Variants in TSHZ2 observed in about 807,000 individuals in gnomAD.
The protein encoded by TSHZ2 is teashirt homolog 2.
TSHZ2 carries 21 observed loss-of-function variants against 74.4 expected under a neutral mutation model. That is an observed-to-expected ratio of 0.28 (90% CI 0.20 to 0.41). The LOEUF (loss-of-function observed/expected upper bound fraction) is 0.41. Ranked by LOEUF, TSHZ2 falls within the 10% of genes least tolerant of loss-of-function variation. The pLI, the probability that TSHZ2 is intolerant of heterozygous loss-of-function variation, is 1.00. For missense variants in TSHZ2, 1,244 were observed against 1,293.5 expected (o/e 0.96, Z 0.59); for synonymous variants, 540 against 515.3 (o/e 1.05, Z -0.65).
At chr20:53,173,698 C>G (rs149659491) in intron 1 of TSHZ2, among the ~76,000 whole-genome samples, 3 of 151,754 alleles carry the variant, frequency 2.0e-5, no homozygotes, top group Non-Finnish European at 4.4e-5. Flanking sequence ...ACAGTCTGAA[C>G]AGTTGTGTAA....
intron 1 of TSHZ2, among the ~76,000 whole-genome samples, chr20:53,171,207 G>C (rs979953648): frequency 6.6e-6 from 1 of 152,174 alleles, no homozygotes. Context: ...GCTCTCAAGC[G>C]TGTCCCCTTT....
intron 2 of TSHZ2, among the ~76,000 whole-genome samples, chr20:53,317,400 T>G (rs1979067441): frequency 6.6e-6 from 1 of 152,186 alleles, no homozygotes; most frequent in Admixed American, 6.5e-5. Context: ...TTGATTGCAT[T>G]GATCTCTGCC....
intron 1 of TSHZ2, among the ~76,000 whole-genome samples, chr20:53,120,987 CCT>C (rs918142375): frequency 7.2e-5 from 11 of 152,186 alleles, no homozygotes; most frequent in South Asian, 2.1e-4. Flanking sequence ...TTACAAATGG[CCT>C]CTTTTTTTTT....
intron 1 of TSHZ2, among the ~76,000 whole-genome samples, chr20:53,156,054 G>A (rs1330501949): frequency 6.6e-6 from 1 of 152,104 alleles, no homozygotes; most frequent in Non-Finnish European, 1.5e-5. Flanking sequence ...TGGGAACAAG[G>A]GGCTGCAGCT....
chr20:53,185,512 G>T, intron 1 of TSHZ2: 2 of 1,383,064 alleles, frequency 1.4e-6, no homozygotes, highest in Non-Finnish European at 1.9e-6. Context: ...ACCTCAGGAG[G>T]CTGAGGCAGG....
chr20:53,071,773 G>A (rs766639115), intron 1 of TSHZ2, among the ~76,000 whole-genome samples: 8 of 152,238 alleles, frequency 5.3e-5, no homozygotes, highest in Admixed American at 1.3e-4. Flanking sequence ...AGGGACGTCC[G>A]TGAAGTCATG....
intron 2 of TSHZ2, among the ~76,000 whole-genome samples, chr20:53,476,554 T>C (rs1485416212): frequency 6.8e-6 from 1 of 146,382 alleles, no homozygotes; most frequent in African/African-American, 2.5e-5. Flanking sequence ...GCCAATATCA[T>C]ACTGAATGGG....
At chr20:53,127,096 A>G (rs1469647539) in intron 1 of TSHZ2, among the ~76,000 whole-genome samples, 1 of 152,250 alleles carries the variant, frequency 6.6e-6, no homozygotes. Context: ...GAATTAGCCA[A>G]CCAAACTATT....
chr20:53,059,542 T>C (rs1457539001), intron 1 of TSHZ2, among the ~76,000 whole-genome samples: 4 of 152,080 alleles, frequency 2.6e-5, no homozygotes, highest in South Asian at 2.1e-4. Flanking sequence ...AATATACCAG[T>C]GATGGTTTGT....
At chr20:53,013,245 CAA>C (rs1600645494) in intron 1 of TSHZ2, among the ~76,000 whole-genome samples, 1 of 152,120 alleles carries the variant, frequency 6.6e-6, no homozygotes, top group South Asian at 2.1e-4. Context: ...CCAATTAAAA[CAA>C]GAGAAGTAAA....
intron 2 of TSHZ2, among the ~76,000 whole-genome samples, chr20:53,259,693 G>C (rs1426857299): frequency 6.6e-6 from 1 of 152,184 alleles, no homozygotes; most frequent in Non-Finnish European, 1.5e-5. Flanking sequence ...TGAAAAGCGC[G>C]TAAGGTTGCC....
At chr20:53,475,731 G>C (rs1445183923) in intron 2 of TSHZ2, among the ~76,000 whole-genome samples, 1 of 140,552 alleles carries the variant, frequency 7.1e-6, no homozygotes, top group African/African-American at 2.8e-5. Context: ...CTGGTTTCTT[G>C]AAAGGATCAA....
chr20:53,449,177 G>A (rs1246019206), intron 2 of TSHZ2, among the ~76,000 whole-genome samples: 3 of 152,076 alleles, frequency 2.0e-5, no homozygotes, highest in Non-Finnish European at 4.4e-5. Flanking sequence ...TTAACCCCTG[G>A]AAGGTATGAT....
chr20:53,291,487 A>C (rs1991277015), intron 2 of TSHZ2, among the ~76,000 whole-genome samples: 1 of 150,766 alleles, frequency 6.6e-6, no homozygotes, highest in African/African-American at 2.4e-5. Context: ...AAAAAAAAAA[A>C]AAAAGATCAA....
intron 1 of TSHZ2, among the ~76,000 whole-genome samples, chr20:53,064,689 AACAC>A (rs111943855): frequency 3.3e-5 from 5 of 150,738 alleles, no homozygotes; most frequent in Admixed American, 6.6e-5. Context: ...TAGACAGAGA[AACAC>A]ACACACACAC....
At chr20:53,047,993 A>T (rs6063904) in intron 1 of TSHZ2, among the ~76,000 whole-genome samples, 39,369 of 152,116 alleles carry the variant, frequency 0.26, 9,194 homozygotes, top group African/African-American at 0.62. Flanking sequence ...CCAAGTTAGT[A>T]AACAGGTTCG....
intron 1 of TSHZ2, among the ~76,000 whole-genome samples, chr20:53,174,091 C>A (rs1005943363): frequency 4.6e-5 from 7 of 152,104 alleles, no homozygotes; most frequent in Non-Finnish European, 1.0e-4. Context: ...TCTCAGGATG[C>A]TGGAGTGACC....
chr20:53,283,194 A>C (rs1003158424), intron 2 of TSHZ2, among the ~76,000 whole-genome samples: 1 of 152,200 alleles, frequency 6.6e-6, no homozygotes, highest in African/African-American at 2.4e-5. Flanking sequence ...GAGGTTAAGT[A>C]AGTGGCCCAT....
chr20:53,161,130 C>CAAAAAAGAAAAAAAAAA (rs1987924876), intron 1 of TSHZ2, among the ~76,000 whole-genome samples: 1 of 67,978 alleles, frequency 1.5e-5, no homozygotes, highest in African/African-American at 6.1e-5. Context: ...TTATTTTCAG[C>CAAAAAAGAAAAAAAAAA]AAAAAAAAAA....
Sources: allele counts gnomAD v4.1 joint callset (sites outside exome capture counted in the v4.1 genomes callset), GRCh38; gene constraint gnomAD v4.1.1; transcripts MANE v1.5; gene names NCBI Gene and HGNC (gene_info 2026-07-23, HGNC 2026-07-21).